The following PKHD1 variants were observed in gnomAD, a reference collection of about 807,000 sequenced individuals.
PKHD1 encodes the protein PKHD1 ciliary IPT domain containing fibrocystin/polyductin.
In PKHD1, 291 loss-of-function variants were observed where a neutral mutation model predicts 412.0. That is an observed-to-expected ratio of 0.71 (90% CI 0.64 to 0.78). The LOEUF (loss-of-function observed/expected upper bound fraction) is 0.78, where lower values mean the gene tolerates loss of function less well. Ranked by LOEUF, PKHD1 falls within the 30% of genes least tolerant of loss-of-function variation. The pLI, the probability that PKHD1 is intolerant of heterozygous loss-of-function variation, is 0.00. For synonymous variants in PKHD1, 1,777 were observed against 1,821.5 expected, an observed-to-expected ratio of 0.98 and a Z score of 0.62; for missense variants, 4,825 against 4,950.7, an observed-to-expected ratio of 0.97 and a Z score of 0.76.
In PKHD1 at chr6:51,890,395, T is replaced by C. The variant is rs114984283; in HGVS notation, c.6997-3150A>G. Among the ~76,000 whole-genome samples the C allele has an allele frequency of 2.5e-3, 377 of 148,896 alleles. 3 individuals carry two copies. The highest frequency in any genetic ancestry group is 8.1e-3 in the African/African-American group (337 of 41,458). ...CCCGGTCACGGACAGAACAGGCATTTGCTGTGGCCTCCCCAGTAGTGGAGA... is the reference window on the plus strand; with the variant it reads ...CCCGGTCACGGACAGAACAGGCATTCGCTGTGGCCTCCCCAGTAGTGGAGA... On this transcript the variant is annotated intron_variant, in intron 43 of 66. Coordinates refer to ENST00000371117, the MANE Select transcript of PKHD1 (RefSeq NM_138694.4).
chr6:51,796,432 G>GT (rs3062495), intron 52 of PKHD1, among the ~76,000 whole-genome samples: 18,642 of 149,110 alleles, frequency 0.13, 1,231 homozygotes, highest in East Asian at 0.14. Context: ...TATTTAATTA[G>GT]TTTTTTTTTC....
At chr6:51,697,226 T>C (rs1778909407) in intron 60 of PKHD1, among the ~76,000 whole-genome samples, 1 of 152,054 alleles carries the variant, frequency 6.6e-6, no homozygotes. Flanking sequence ...TACTAGTAAT[T>C]GTCCTCTTAA....
chr6:51,957,846 T>C (rs1791381608), intron 36 of PKHD1, among the ~76,000 whole-genome samples: 2 of 152,140 alleles, frequency 1.3e-5, no homozygotes. Flanking sequence ...ACACCAAGAT[T>C]ACCCCAGTAT....
At chr6:51,771,616 C>T (rs1385712298) in intron 55 of PKHD1, among the ~76,000 whole-genome samples, 1 of 127,620 alleles carries the variant, frequency 7.8e-6, no homozygotes, top group Non-Finnish European at 1.7e-5. Context: ...GAGACTGTGT[C>T]AAAAAAAAAA....
At chr6:52,021,115 A>G (rs1420907090) in intron 33 of PKHD1, among the ~76,000 whole-genome samples, 1 of 152,222 alleles carries the variant, frequency 6.6e-6, no homozygotes, top group East Asian at 1.9e-4. Flanking sequence ...TAAATTATGC[A>G]TTCCTCTAGA....
chr6:52,075,899 T>C (rs575690245), intron 6 of PKHD1, among the ~76,000 whole-genome samples: 113 of 152,312 alleles, frequency 7.4e-4, no homozygotes, highest in African/African-American at 2.5e-3. Flanking sequence ...GAGGATCTAG[T>C]AAGATATCTG....
At chr6:51,743,696 A>G (rs116114730) in intron 60 of PKHD1, among the ~76,000 whole-genome samples, 325 of 152,328 alleles carry the variant, frequency 2.1e-3, no homozygotes, top group Non-Finnish European at 1.8e-3. Flanking sequence ...AAAGAAATCT[A>G]AAAAGAATCA....
chr6:52,035,632 T>C lies in PKHD1; in HGVS notation c.3187A>G (p.Thr1063Ala). Residue 1063 changes from threonine (T) to alanine (A), a missense_variant, in exon 28 of 67, where the codon ACA becomes GCA. By Grantham distance (58) the Thr-to-Ala change is moderately conservative (BLOSUM62 0). Transcript: ENST00000371117. ...CACTGAATTCTGCTTGAATTGCTTG[T>C]AGCGACATTGATGGCACACGAGTAA... Reference protein sequence around the residue: ...GSYSCAINVATSNSSRIQCKV... With the variant: ...GSYSCAINVAASNSSRIQCKV... 6.2e-7 allele frequency: 1 copy of C among 1,614,008 alleles called. No homozygotes were observed. The highest frequency in any genetic ancestry group is 8.5e-7 in the Non-Finnish European group (1 of 1,179,900).
At chr6:51,715,793 G>C (rs952575165) in intron 60 of PKHD1, among the ~76,000 whole-genome samples, 1 of 152,152 alleles carries the variant, frequency 6.6e-6, no homozygotes, top group Non-Finnish European at 1.5e-5. Context: ...CAGAGGAGCT[G>C]TTTGTTCATG....
intron 37 of PKHD1, among the ~76,000 whole-genome samples, chr6:51,919,441 A>G (rs1399655074): frequency 6.6e-6 from 1 of 152,030 alleles, no homozygotes; most frequent in Non-Finnish European, 1.5e-5. Flanking sequence ...ATGGTTGTAG[A>G]TGTGTGGTAT....
At chr6:52,078,579 T>C (rs574683822) in intron 5 of PKHD1, among the ~76,000 whole-genome samples, 9 of 152,288 alleles carry the variant, frequency 5.9e-5, no homozygotes, top group African/African-American at 2.2e-4. Flanking sequence ...CTGGAATGCC[T>C]CTCATTAACT....
intron 53 of PKHD1, among the ~76,000 whole-genome samples, chr6:51,779,502 G>C (rs1473113622): frequency 6.6e-6 from 1 of 152,200 alleles, no homozygotes; most frequent in South Asian, 2.1e-4. Flanking sequence ...CCTTCTCTCA[G>C]TGAGCGCAAG....
At chr6:52,054,782 C>T (rs1807447735) in intron 19 of PKHD1, among the ~76,000 whole-genome samples, 1 of 152,188 alleles carries the variant, frequency 6.6e-6, no homozygotes, top group African/African-American at 2.4e-5. Context: ...CGAAAACTGT[C>T]TCCATACATT....
intron 28 of PKHD1, among the ~76,000 whole-genome samples, chr6:52,034,574 T>C (rs1174949955): frequency 2.0e-5 from 3 of 152,138 alleles, no homozygotes; most frequent in East Asian, 1.9e-4. Flanking sequence ...TGCACAATGA[T>C]GGTGGGAGTA....
At chr6:51,886,172 C>A (rs1355537770) in intron 44 of PKHD1, among the ~76,000 whole-genome samples, 200 bp from the exon 45 acceptor site, 3 of 152,184 alleles carry the variant, frequency 2.0e-5, no homozygotes, top group Non-Finnish European at 2.9e-5. Context: ...CGAATCCCAA[C>A]AAAATGCAGA....
intron 52 of PKHD1, among the ~76,000 whole-genome samples, chr6:51,807,451 AAAAAAAAATATATATAT>A (rs1562355987): frequency 1.2e-5 from 1 of 83,908 alleles, no homozygotes; most frequent in African/African-American, 4.2e-5. Context: ...AAAAAAAAAA[AAAAAAAAATATATATAT>A]ATATATATAT....
chr6:51,637,655 C>T (rs1768756779), intron 64 of PKHD1, among the ~76,000 whole-genome samples: 1 of 151,718 alleles, frequency 6.6e-6, no homozygotes. Flanking sequence ...CCTGTAATCC[C>T]AGCACTTAGG....
At chr6:51,741,414 G>T (rs1168477919) in intron 60 of PKHD1, among the ~76,000 whole-genome samples, 3 of 151,186 alleles carry the variant, frequency 2.0e-5, no homozygotes, top group Admixed American at 6.6e-5. Context: ...TTCCTTCTGA[G>T]AGTTTTTGGT....
rs759084914 is a variant in PKHD1, at chr6:52,026,081, C to T, written c.3729G>A (p.Thr1243=). The change falls in exon 32 of 67, where the codon ACG becomes ACA. Residue 1243 remains threonine, a synonymous_variant. Transcript: ENST00000371117. ...GGGTTTCACACCAGATGCTCGCCTC[C>T]GTTAAGTTCACAATGTCACAGGACC... is the stretch of plus-strand genomic sequence containing the variant. The part of the protein sequence containing the change: ...GNRSCDIVNL[T]EASIWCETLP... 25 of 1,614,036 alleles carry T rather than the reference C, an allele frequency of 1.5e-5. No homozygotes were observed. Among genetic ancestry groups the T allele is most frequent in the Admixed American group, 1.3e-4 (8 of 59,998 alleles).
Sources: gnomAD v4.1 joint callset for allele counts (sites outside exome capture counted in the v4.1 genomes callset) on GRCh38, gnomAD v4.1.1 for gene constraint, MANE v1.5 for transcripts, NCBI Gene and HGNC (gene_info 2026-07-23, HGNC 2026-07-21) for gene names.